Variants in DNAJC1 observed in about 807,000 individuals in gnomAD.
DNAJC1 encodes the protein dnaJ homolog subfamily C member 1.
In DNAJC1, 58 loss-of-function variants were observed where a neutral mutation model predicts 76.6. The ratio of observed to expected loss-of-function variants is 0.76; its 90% confidence interval spans 0.61 to 0.94. The LOEUF (loss-of-function observed/expected upper bound fraction) is 0.94, where lower values mean the gene tolerates loss of function less well. DNAJC1 is among the 40% of genes least tolerant of loss of function. DNAJC1 has a pLI of 0.00. For missense variants in DNAJC1, 689 were observed against 677.3 expected, an observed-to-expected ratio of 1.02 and a Z score of -0.19; for synonymous variants, 258 against 267.9, an observed-to-expected ratio of 0.96 and a Z score of 0.36.
intron 8 of DNAJC1, among the ~76,000 whole-genome samples, chr10:21,813,216 C>CTATATATATATA (rs1288966176): frequency 2.8e-5 from 1 of 35,556 alleles, no homozygotes; most frequent in South Asian, 1.2e-3. Context: ...CTCTCTCTCT[C>CTATATATATATA]TCTCTATATA....
chr10:21,898,155 A>C (rs971032581), intron 7 of DNAJC1, among the ~76,000 whole-genome samples: 1 of 152,228 alleles, frequency 6.6e-6, no homozygotes, highest in African/African-American at 2.4e-5. Context: ...AACCTAACAA[A>C]ACACACACAG....
At chr10:21,902,251 T>G (rs1356266805) in intron 7 of DNAJC1, among the ~76,000 whole-genome samples, 1 of 152,212 alleles carries the variant, frequency 6.6e-6, no homozygotes, top group African/African-American at 2.4e-5. Context: ...CTGTTACACA[T>G]TTTCACTTTC....
intron 1 of DNAJC1, among the ~76,000 whole-genome samples, chr10:21,943,389 A>C (rs1837452611): frequency 6.6e-6 from 1 of 152,216 alleles, no homozygotes; most frequent in Non-Finnish European, 1.5e-5. Flanking sequence ...GTGCCTCAGT[A>C]GTTACTTAAA....
intron 1 of DNAJC1, among the ~76,000 whole-genome samples, chr10:22,002,368 T>C (rs1428814030): frequency 2.0e-5 from 3 of 152,154 alleles, no homozygotes. Flanking sequence ...AGACTGGATA[T>C]CTACCCTCAC....
intron 8 of DNAJC1, among the ~76,000 whole-genome samples, chr10:21,878,022 G>A (rs1026741251): frequency 4.5e-4 from 69 of 152,262 alleles, no homozygotes; most frequent in African/African-American, 1.6e-3. Context: ...TCACGTTGTT[G>A]TCTGTCTGAA....
At chr10:21,795,044 T>G (rs1834736476) in intron 9 of DNAJC1, among the ~76,000 whole-genome samples, 1 of 152,172 alleles carries the variant, frequency 6.6e-6, no homozygotes, top group Non-Finnish European at 1.5e-5. Flanking sequence ...TTTTGAGCAT[T>G]TCAAATTTCA....
chr10:21,942,729 C>A (rs1241047073), intron 1 of DNAJC1, among the ~76,000 whole-genome samples: 2 of 149,572 alleles, frequency 1.3e-5, no homozygotes, highest in Admixed American at 6.7e-5. Context: ...TGGCATGAAC[C>A]TGGGAGGCGG....
chr10:21,819,706 G>A (rs981800242), intron 8 of DNAJC1, among the ~76,000 whole-genome samples: 4 of 152,044 alleles, frequency 2.6e-5, no homozygotes, highest in African/African-American at 9.7e-5. Flanking sequence ...GAGGCGGGTA[G>A]ATCACCTGAG....
intron 1 of DNAJC1, among the ~76,000 whole-genome samples, chr10:21,969,476 A>G (rs1204965014): frequency 1.3e-5 from 2 of 152,170 alleles, no homozygotes; most frequent in Non-Finnish European, 2.9e-5. Flanking sequence ...ATGTAGAAAA[A>G]CTGAACACCA....
At chr10:21,909,555 T>C (rs1836819219) in intron 6 of DNAJC1, among the ~76,000 whole-genome samples, 1 of 152,164 alleles carries the variant, frequency 6.6e-6, no homozygotes. Flanking sequence ...ACAAAGTAAA[T>C]AATGCAATCA....
intron 9 of DNAJC1, among the ~76,000 whole-genome samples, chr10:21,799,813 G>A (rs549443223): frequency 2.0e-5 from 3 of 152,086 alleles, no homozygotes; most frequent in South Asian, 2.1e-4. Flanking sequence ...GAAAGGGTAC[G>A]AGTTCTCACC....
intron 7 of DNAJC1, among the ~76,000 whole-genome samples, chr10:21,901,897 T>G (rs537490856): frequency 1.3e-5 from 2 of 152,200 alleles, no homozygotes; most frequent in Non-Finnish European, 1.5e-5. Flanking sequence ...ATTGGGGGAT[T>G]TGGGGCCTTT....
intron 8 of DNAJC1, among the ~76,000 whole-genome samples, chr10:21,825,907 T>C (rs540791974): frequency 6.6e-6 from 1 of 152,174 alleles, no homozygotes; most frequent in Non-Finnish European, 1.5e-5. Flanking sequence ...TCTTTATATA[T>C]TGTGGTTATT....
At chr10:21,950,836 T>C (rs1344009238) in intron 1 of DNAJC1, among the ~76,000 whole-genome samples, 3 of 151,956 alleles carry the variant, frequency 2.0e-5, no homozygotes, top group African/African-American at 2.4e-5. Flanking sequence ...CAGGGCAAGG[T>C]CCTAACTCTC....
intron 1 of DNAJC1, among the ~76,000 whole-genome samples, chr10:21,934,887 CAG>C (rs1837286361): frequency 6.6e-6 from 1 of 152,042 alleles, no homozygotes; most frequent in Non-Finnish European, 1.5e-5. Context: ...ATTAGTTGAC[CAG>C]AGATTCTAAG....
chr10:21,808,489 T>A (rs897416928), intron 8 of DNAJC1, among the ~76,000 whole-genome samples: 1 of 152,188 alleles, frequency 6.6e-6, no homozygotes, highest in Non-Finnish European at 1.5e-5. Flanking sequence ...ATTTTTATTA[T>A]TAATATTTTT....
chr10:21,994,616 G>A (rs902731341), intron 1 of DNAJC1, among the ~76,000 whole-genome samples: 6 of 151,906 alleles, frequency 3.9e-5, no homozygotes, highest in East Asian at 1.9e-4. Flanking sequence ...GTGAAACCCC[G>A]TCTCCACTAA....
intron 9 of DNAJC1, among the ~76,000 whole-genome samples, chr10:21,788,450 G>T (rs1834640031): frequency 6.6e-6 from 1 of 152,150 alleles, no homozygotes; most frequent in Non-Finnish European, 1.5e-5. Context: ...GCTAAGCTCA[G>T]ACACCCTACC....
intron 8 of DNAJC1, among the ~76,000 whole-genome samples, chr10:21,813,012 C>T (rs1834993719): frequency 8.3e-6 from 1 of 120,060 alleles, no homozygotes; most frequent in Non-Finnish European, 1.7e-5. Context: ...TGATAAAAGA[C>T]ATATACACAC....
Sources: gnomAD v4.1 joint callset for allele counts (sites outside exome capture counted in the v4.1 genomes callset) on GRCh38, gnomAD v4.1.1 for gene constraint, MANE v1.5 for transcripts, NCBI Gene and HGNC (gene_info 2026-07-23, HGNC 2026-07-21) for gene names.